The following FLT1 variants were observed in gnomAD, a reference collection of about 807,000 sequenced individuals.
FLT1 encodes fms related receptor tyrosine kinase 1, also known as vascular endothelial growth factor receptor 1.
Under a neutral mutation model 156.3 loss-of-function variants are expected in FLT1, and 49 were observed. The observed-to-expected ratio is 0.31, with a 90% CI of 0.25 to 0.40. FLT1 has a LOEUF of 0.40. Ranked by LOEUF, FLT1 falls within the 10% of genes least tolerant of loss-of-function variation. The probability of loss-of-function intolerance (pLI) is 1.00; values close to 1 mark genes in which losing one functional copy is unlikely to be tolerated. For synonymous variants in FLT1, 594 were observed against 583.8 expected (o/e 1.02, Z -0.25); for missense variants, 1,322 against 1,637.2 (o/e 0.81, Z 3.32).
intron 4 of FLT1, among the ~76,000 whole-genome samples, chr13:28,436,144 A>G (rs913611264): frequency 2.6e-5 from 4 of 152,192 alleles, no homozygotes; most frequent in Non-Finnish European, 4.4e-5. Flanking sequence ...AGCTGACAAG[A>G]TCTAAAGCAG....
chr13:28,473,835 A>AAAGG (rs59979408), intron 1 of FLT1, among the ~76,000 whole-genome samples: 48 of 118,822 alleles, frequency 4.0e-4, no homozygotes, highest in Middle Eastern at 3.9e-3. Flanking sequence ...AGAAAGAAAG[A>AAAGG]AAGGAAGAAA....
intron 25 of FLT1, 103 bp from the exon 26 acceptor site, chr13:28,312,201 C>G (rs1254157896): frequency 7.6e-6 from 6 of 793,060 alleles, no homozygotes; most frequent in African/African-American, 1.7e-5. Context: ...GCATAAAGCC[C>G]AAGCTTTCTG....
intron 12 of FLT1, chr13:28,396,752 T>C: frequency 4.5e-6 from 3 of 672,034 alleles, no homozygotes; most frequent in Admixed American, 4.2e-5. Context: ...CACAAATAAC[T>C]CTAAAAGAGA....
At chr13:28,382,235 T>C (rs559430013) in intron 14 of FLT1, among the ~76,000 whole-genome samples, 1 of 152,256 alleles carries the variant, frequency 6.6e-6, no homozygotes, top group Admixed American at 6.5e-5. Context: ...GAACACCCAA[T>C]CTGGGTCTTA....
intron 15 of FLT1, among the ~76,000 whole-genome samples, chr13:28,349,372 T>C (rs1185422379): frequency 6.6e-6 from 1 of 152,052 alleles, no homozygotes; most frequent in Non-Finnish European, 1.5e-5. Flanking sequence ...CAAGTTCATA[T>C]GAGTTTGGTT....
chr13:28,357,954 A>T (rs774272114), intron 14 of FLT1, among the ~76,000 whole-genome samples: 2 of 144,232 alleles, frequency 1.4e-5, no homozygotes, highest in Non-Finnish European at 3.0e-5. Flanking sequence ...TCGGAGATGC[A>T]AATCCACCCA....
chr13:28,367,846 T>C (rs1873358201), intron 14 of FLT1, among the ~76,000 whole-genome samples: 1 of 152,190 alleles, frequency 6.6e-6, no homozygotes, highest in Admixed American at 6.5e-5. Flanking sequence ...CAAACTAATA[T>C]TCGTCATCAA....
intron 24 of FLT1, 123 bp downstream of exon 24, chr13:28,319,300 C>T (rs570276642): frequency 2.8e-6 from 2 of 708,996 alleles, no homozygotes; most frequent in Admixed American, 4.1e-5. Flanking sequence ...GGGCCCATTA[C>T]ACTTTAAGAG....
At chr13:28,448,940 C>G (rs958300421) in intron 3 of FLT1, among the ~76,000 whole-genome samples, 3 of 152,066 alleles carry the variant, frequency 2.0e-5, no homozygotes, top group Admixed American at 6.6e-5. Context: ...TTAGGCCACT[C>G]ACAAAAAATA....
In FLT1 at chr13:28,345,570, A is replaced by C; in HGVS notation, c.2249-19T>G. 7 of 1,410,072 alleles carry C rather than the reference A, an allele frequency of 5.0e-6. No homozygotes were observed. Among genetic ancestry groups the C allele is most frequent in the Non-Finnish European group, 7.0e-6 (7 of 999,592 alleles). The allele number at this position is 1,410,072 out of a possible 1,614,324, so 87.3% of individuals were successfully genotyped here. Reference sequence around the variant, plus strand: ...GAGGTTCCTGGAGAGAAAAAAAATCACAATAGTGGTGCAACAAAGAAATTC... The same window carrying C: ...GAGGTTCCTGGAGAGAAAAAAAATCCCAATAGTGGTGCAACAAAGAAATTC... On this transcript the variant is annotated intron_variant, in intron 15 of 29. Transcript: ENST00000282397.
At chr13:28,304,095 G>A (rs1381772347) in intron 29 of FLT1, among the ~76,000 whole-genome samples, 4 of 152,172 alleles carry the variant, frequency 2.6e-5, no homozygotes, top group Non-Finnish European at 4.4e-5. Flanking sequence ...CAGGGAACCC[G>A]TGAAGCTTGT....
At chr13:28,319,700 T>C (rs891242342) in intron 23 of FLT1, among the ~76,000 whole-genome samples, 166 bp from the exon 24 acceptor site, 1 of 152,136 alleles carries the variant, frequency 6.6e-6, no homozygotes, top group Non-Finnish European at 1.5e-5. Context: ...AGTGTTACGC[T>C]AAAAGAGGGA....
intron 14 of FLT1, among the ~76,000 whole-genome samples, chr13:28,378,237 C>T (rs1478426126): frequency 2.0e-5 from 3 of 152,020 alleles, no homozygotes; most frequent in South Asian, 4.1e-4. Flanking sequence ...TTAGTAGAGA[C>T]GAGGTTTCAC....
intron 10 of FLT1, among the ~76,000 whole-genome samples, chr13:28,424,033 C>T (rs1049733032): frequency 2.0e-5 from 3 of 152,024 alleles, no homozygotes; most frequent in African/African-American, 7.2e-5. Context: ...TCATTGCAAC[C>T]TCCACCTCCC....
At chr13:28,323,651 CAA>C (rs111841154) in intron 20 of FLT1, among the ~76,000 whole-genome samples, 4 of 125,398 alleles carry the variant, frequency 3.2e-5, no homozygotes, top group Non-Finnish European at 1.6e-5. Flanking sequence ...AACTCCATCT[CAA>C]AAAAAAAAAA....
intron 25 of FLT1, among the ~76,000 whole-genome samples, chr13:28,316,510 AG>A (rs896844141): frequency 6.6e-6 from 1 of 152,230 alleles, no homozygotes; most frequent in African/African-American, 2.4e-5. Flanking sequence ...ACAAAGCCCC[AG>A]GAAAAAAAGT....
rs376133343 is a variant in FLT1, at chr13:28,434,263, T to C, written c.514-43A>G. On this transcript the variant is annotated intron_variant, in intron 4 of 29. Coordinates refer to ENST00000282397, the MANE Select transcript of FLT1 (RefSeq NM_002019.4). ...TGCATTAACAAGGTCCTATTAGCAC[T>C]GGTTGGCAATACTGTTTCACCAGCA... The C allele has an allele frequency of 5.0e-5, 78 of 1,561,278 alleles. No individual in the cohort carries two copies. The East Asian group carries it at 7.0e-4, about 14-fold the overall frequency.
intron 11 of FLT1, among the ~76,000 whole-genome samples, chr13:28,402,968 C>T (rs1593750522): frequency 6.6e-6 from 1 of 151,842 alleles, no homozygotes; most frequent in Non-Finnish European, 1.5e-5. Flanking sequence ...CTAGTAGAGA[C>T]GGGGTTTTGC....
At chr13:28,476,680 T>C (rs984672275) in intron 1 of FLT1, among the ~76,000 whole-genome samples, 3 of 152,182 alleles carry the variant, frequency 2.0e-5, no homozygotes, top group Non-Finnish European at 4.4e-5. Context: ...GATCTCAAAG[T>C]CTGAATAGAA....
Sources: allele counts gnomAD v4.1 joint callset (sites outside exome capture counted in the v4.1 genomes callset), GRCh38; gene constraint gnomAD v4.1.1; transcripts MANE v1.5; gene names NCBI Gene and HGNC (gene_info 2026-07-23, HGNC 2026-07-21).